ANOS1: variants seen among roughly 807,000 people sequenced by gnomAD.
The protein encoded by ANOS1 is anosmin-1.
ANOS1 carries 6 observed loss-of-function variants against 59.0 expected under a neutral mutation model. That is an observed-to-expected ratio of 0.10 (90% confidence interval 0.06 to 0.20). The LOEUF (loss-of-function observed/expected upper bound fraction) is 0.20, where lower values mean the gene tolerates loss of function less well. Among genes scored for constraint, ANOS1 ranks in the 10% least tolerant of loss-of-function variants. The pLI is 1.00. For synonymous variants in ANOS1, 217 were observed against 223.4 expected (o/e 0.97, Z 0.25); for missense variants, 433 against 542.3 (o/e 0.80, Z 2.00).
Position 8,710,151 on chromosome X carries a change from C to T in ANOS1, c.208-10406G>A, listed in dbSNP as rs112841306. 5.3e-3 allele frequency among the ~76,000 whole-genome samples: 589 copies of T among 111,221 alleles called. 3 individuals carry two copies. Among genetic ancestry groups the T allele is most frequent in the African/African-American group, 0.018 (550 of 30,593 alleles). ...TTCACCGTGCTAGCCAGGATGGTCT[C>T]GATCTCCTGACCTCGTGATCCACCT... On this transcript the variant is annotated intron_variant, in intron 1 of 13. Coordinates refer to ENST00000262648, the MANE Select transcript of ANOS1 (RefSeq NM_000216.4).
At chrX:8,616,727 C>T (rs1002766188) in intron 3 of ANOS1, among the ~76,000 whole-genome samples, 1 of 111,494 alleles carries the variant, frequency 9.0e-6, no homozygotes, top group African/African-American at 3.3e-5. Flanking sequence ...CTCTTTCTCC[C>T]GTTCCTCATA....
At chrX:8,684,333 T>C (rs1932471180) in intron 2 of ANOS1, among the ~76,000 whole-genome samples, 2 of 111,394 alleles carry the variant, frequency 1.8e-5, no homozygotes, top group African/African-American at 6.5e-5. Flanking sequence ...TTGATTAGCC[T>C]GCATAGTTCA....
intron 10 of ANOS1, among the ~76,000 whole-genome samples, chrX:8,538,521 T>C (rs1487818314): frequency 1.8e-5 from 2 of 111,715 alleles, no homozygotes; most frequent in Non-Finnish European, 3.8e-5. Flanking sequence ...AAGCCTAGGA[T>C]TGGGGAATTG....
At chrX:8,603,173 G>A (rs749275341) in intron 3 of ANOS1, among the ~76,000 whole-genome samples, 1 of 112,251 alleles carries the variant, frequency 8.9e-6, no homozygotes, top group Admixed American at 9.4e-5. Context: ...CAAAGATTAT[G>A]TATTTTTTCT....
At chrX:8,665,216 G>T (rs1226075591) in intron 2 of ANOS1, among the ~76,000 whole-genome samples, 5 of 112,309 alleles carry the variant, frequency 4.5e-5, no homozygotes, top group Non-Finnish European at 9.4e-5. Context: ...GGTGGGAATG[G>T]ATTCCAACCC....
intron 1 of ANOS1, among the ~76,000 whole-genome samples, chrX:8,712,235 G>A (rs1049011794): frequency 1.8e-5 from 2 of 111,956 alleles, no homozygotes; most frequent in Non-Finnish European, 3.8e-5. Context: ...CTTCACATCC[G>A]TGTCCTCACA....
At chrX:8,648,322 A>G (rs1931793291) in intron 2 of ANOS1, among the ~76,000 whole-genome samples, 1 of 110,358 alleles carries the variant, frequency 9.1e-6, no homozygotes, top group East Asian at 2.8e-4. Flanking sequence ...TTAGCCGGGC[A>G]TGGTGGTGGG....
At chrX:8,649,748 G>T (rs1425595876) in intron 2 of ANOS1, among the ~76,000 whole-genome samples, 2 of 110,982 alleles carry the variant, frequency 1.8e-5, no homozygotes, top group Non-Finnish European at 3.8e-5. Context: ...GCATAAAATG[G>T]TGCTCCAACA....
chrX:8,545,409 A>AAGGAAGGC (rs745936247), intron 9 of ANOS1, among the ~76,000 whole-genome samples: 5,089 of 104,380 alleles, frequency 0.049, 155 homozygotes, highest in Middle Eastern at 0.095. Context: ...GGAAGGAAGG[A>AAGGAAGGC]AGGCAGGCAG....
chrX:8,535,303 T>C (rs1929570315), intron 12 of ANOS1: 3 of 345,183 alleles, frequency 8.7e-6, no homozygotes, highest in South Asian at 9.9e-5. Flanking sequence ...TTAACAAAGA[T>C]AGAAGAAAAT....
At chrX:8,725,595 GATATATATATACAGAT>G (rs1411824323) in intron 1 of ANOS1, among the ~76,000 whole-genome samples, 1 of 43,046 alleles carries the variant, frequency 2.3e-5, no homozygotes, top group Non-Finnish European at 4.2e-5. Context: ...TATATATACA[GATATATATATACAGAT>G]ATATATATAT....
At chrX:8,613,230 CAG>C (rs1370532887) in intron 3 of ANOS1, among the ~76,000 whole-genome samples, 1 of 104,146 alleles carries the variant, frequency 9.6e-6, no homozygotes, top group African/African-American at 3.6e-5. Flanking sequence ...TTTTTTGAAA[CAG>C]GGTCTCATTC....
intron 2 of ANOS1, among the ~76,000 whole-genome samples, chrX:8,673,275 T>A (rs5978257): frequency 0.49 from 52,082 of 105,372 alleles, 10,296 homozygotes; most frequent in African/African-American, 0.67. Context: ...TGGCAGGCCA[T>A]ACTAAAATTT....
At chrX:8,602,463 T>C (rs958627806) in intron 3 of ANOS1, among the ~76,000 whole-genome samples, 1 of 111,504 alleles carries the variant, frequency 9.0e-6, no homozygotes, top group South Asian at 3.7e-4. Flanking sequence ...CATGTGATAA[T>C]ACAAATTACT....
chrX:8,630,511 T>C (rs1931471957), intron 2 of ANOS1, among the ~76,000 whole-genome samples: 1 of 112,014 alleles, frequency 8.9e-6, no homozygotes, highest in Non-Finnish European at 1.9e-5. Context: ...TAGAGGATCA[T>C]TGAAAAGAAC....
At chrX:8,727,899 G>A (rs1021455116) in intron 1 of ANOS1, among the ~76,000 whole-genome samples, 20 of 112,556 alleles carry the variant, frequency 1.8e-4, no homozygotes, top group Admixed American at 2.8e-4. Flanking sequence ...AAGAGTTAGC[G>A]TCATGCTAAA....
chrX:8,572,237 G>T (rs1307550949), intron 6 of ANOS1, among the ~76,000 whole-genome samples: 1 of 110,151 alleles, frequency 9.1e-6, no homozygotes, highest in Non-Finnish European at 1.9e-5. Flanking sequence ...CCATCACCTA[G>T]GTATTAAGCC....
At chrX:8,704,928 G>C (rs1051996606) in intron 1 of ANOS1, among the ~76,000 whole-genome samples, 3 of 111,268 alleles carry the variant, frequency 2.7e-5, no homozygotes, top group Non-Finnish European at 5.7e-5. Context: ...ATTATAGTGA[G>C]ACTCAAAAGT....
Position 8,705,158 on chromosome X carries a change from C to T in ANOS1, c.208-5413G>A, listed in dbSNP as rs191107971. The stretch of plus-strand genomic sequence containing the variant: ...TACCGTGGATAGTCTGTCTCTTTTA[C>T]CTTATCTAATTGCGGATTGTTCACC... On this transcript the variant is annotated intron_variant, in intron 1 of 13. Transcript: ENST00000262648. 1.5e-4 allele frequency among the ~76,000 whole-genome samples: 17 copies of T among 111,058 alleles called. No individual in the cohort carries two copies. The Admixed American group carries it at 1.5e-3, about 10-fold the overall frequency.
Sources: gnomAD v4.1 joint callset for allele counts (sites outside exome capture counted in the v4.1 genomes callset) on GRCh38, gnomAD v4.1.1 for gene constraint, MANE v1.5 for transcripts, NCBI Gene and HGNC (gene_info 2026-07-23, HGNC 2026-07-21) for gene names.